The following TMEM171 variants were observed in gnomAD, a reference collection of about 807,000 sequenced individuals.
The protein encoded by TMEM171 is proline-rich protein PRP2.
TMEM171 carries 16 observed loss-of-function variants against 19.1 expected under a neutral mutation model. That is an observed-to-expected ratio of 0.84 (90% CI 0.57 to 1.27). The LOEUF (loss-of-function observed/expected upper bound fraction) is 1.27. Among genes scored for constraint, TMEM171 ranks in the 50% most tolerant of loss-of-function variants. The pLI, the probability that TMEM171 is intolerant of heterozygous loss-of-function variation, is 0.00. For synonymous variants in TMEM171, 153 were observed against 163.4 expected, an observed-to-expected ratio of 0.94 and a Z score of 0.48; for missense variants, 429 against 412.7, an observed-to-expected ratio of 1.04 and a Z score of -0.34.
At chr5:73,131,500 C>T (rs747790999) in intron 3 of TMEM171, 38 bp from the exon 4 acceptor site, 2 of 1,514,704 alleles carry the variant, frequency 1.3e-6, no homozygotes, top group Non-Finnish European at 1.8e-6. Context: ...TCACTGTTTT[C>T]ATCCCCTCCC....
Position 73,123,539 on chromosome 5 carries a change from C to T in TMEM171, c.166C>T (p.Pro56Ser). The T allele has an allele frequency of 6.2e-7, 1 of 1,614,234 alleles. No homozygotes were observed. The highest frequency in any genetic ancestry group is 8.5e-7 in the Non-Finnish European group (1 of 1,180,050). ...ACQYKPLPDC[P>S]MVLKVAGPAC... ...CCAATATAAGCCCCTCCCAGACTGCCCCATGGTGCTCAAGGTGGCGGGGCC... is the reference window on the plus strand; with the variant it reads ...CCAATATAAGCCCCTCCCAGACTGCTCCATGGTGCTCAAGGTGGCGGGGCC... The change falls in exon 2 of 4, where the codon CCC becomes TCC. Residue 56 changes from proline to serine, a missense_variant. Transcript: ENST00000454765.
chr5:73,131,762 T>A lies in TMEM171; in HGVS notation c.*32T>A. 6.7e-7 allele frequency: 1 copy of A among 1,501,004 alleles called. No individual in the cohort carries two copies. The highest frequency in any genetic ancestry group is 1.4e-5 in the South Asian group (1 of 72,644). 93.0% of individuals were successfully genotyped at this position (1,501,004 alleles called of 1,614,324 possible). On this transcript the variant is annotated 3_prime_UTR_variant, in exon 4 of 4. Coordinates refer to ENST00000454765, the MANE Select transcript of TMEM171 (RefSeq NM_173490.8). Reference sequence around the variant, plus strand: ...GACTCTAGTTCAGTTTTATATGCAATGGATCACTATTTTATTTAATTTTTT... The same window carrying A: ...GACTCTAGTTCAGTTTTATATGCAAAGGATCACTATTTTATTTAATTTTTT...
At chr5:73,131,190 G>A (rs1035155043) in intron 3 of TMEM171, among the ~76,000 whole-genome samples, 4 of 151,984 alleles carry the variant, frequency 2.6e-5, no homozygotes, top group Admixed American at 1.3e-4. Flanking sequence ...CCTTATGTTA[G>A]CTGTCCCAGA....
intron 2 of TMEM171, among the ~76,000 whole-genome samples, chr5:73,127,382 A>ATATATATATATATATATATAT (rs879892153): frequency 8.8e-4 from 60 of 68,226 alleles, no homozygotes; most frequent in African/African-American, 4.2e-3. Flanking sequence ...AAAAAAAAAA[A>ATATATATATATATATATATAT]AAATATATAT....
At chr5:73,127,628 A>G (rs562201929) in intron 2 of TMEM171, among the ~76,000 whole-genome samples, 1 of 151,150 alleles carries the variant, frequency 6.6e-6, no homozygotes, top group Non-Finnish European at 1.5e-5. Flanking sequence ...TATTTTTAGT[A>G]GAGACAGGGT....
intron 2 of TMEM171, 124 bp downstream of exon 2, chr5:73,124,137 T>A: frequency 1.2e-6 from 1 of 862,570 alleles, no homozygotes; most frequent in Non-Finnish European, 1.7e-6. Flanking sequence ...CACATGTGTG[T>A]GCACACGCAC....
At chr5:73,131,082 C>G in intron 3 of TMEM171, among the ~76,000 whole-genome samples, 1 of 152,204 alleles carries the variant, frequency 6.6e-6, no homozygotes, top group East Asian at 1.9e-4. Context: ...TGCAGGTTGG[C>G]CTTTGTTAGA....
intron 1 of TMEM171, among the ~76,000 whole-genome samples, chr5:73,122,674 C>T (rs1580232663): frequency 6.6e-6 from 1 of 152,220 alleles, no homozygotes; most frequent in Non-Finnish European, 1.5e-5. Context: ...GCTGGGATTA[C>T]AGGCGCAAGC....
At chr5:73,123,172 A>T in intron 1 of TMEM171, 134 bp from the exon 2 acceptor site, 1 of 648,660 alleles carries the variant, frequency 1.5e-6, no homozygotes, top group Non-Finnish European at 2.5e-6. Context: ...TCATTGTTCT[A>T]CAGCTTATCA....
chr5:73,124,973 G>C (rs746442300), intron 2 of TMEM171, among the ~76,000 whole-genome samples: 1 of 152,200 alleles, frequency 6.6e-6, no homozygotes, highest in African/African-American at 2.4e-5. Flanking sequence ...AGAAACCATG[G>C]AGAGGACAGA....
intron 2 of TMEM171, among the ~76,000 whole-genome samples, chr5:73,126,404 T>C (rs1462884691): frequency 6.6e-6 from 1 of 152,224 alleles, no homozygotes; most frequent in Non-Finnish European, 1.5e-5. Flanking sequence ...ATGGAATTAA[T>C]GCATTTTCTG....
At chr5:73,128,587 T>G (rs1246139758) in intron 3 of TMEM171, 56 bp downstream of exon 3, 2 of 1,584,882 alleles carry the variant, frequency 1.3e-6, no homozygotes, top group Non-Finnish European at 8.6e-7. Flanking sequence ...ACACTAGTAT[T>G]AAGGCTGTGT....
intron 2 of TMEM171, among the ~76,000 whole-genome samples, chr5:73,125,326 A>G (rs1744132031): frequency 6.6e-6 from 1 of 152,170 alleles, no homozygotes; most frequent in Admixed American, 6.5e-5. Flanking sequence ...CCTGTGTGAA[A>G]TTCATTCACA....
intron 3 of TMEM171, among the ~76,000 whole-genome samples, chr5:73,129,765 A>G (rs965053404): frequency 1.3e-5 from 2 of 152,206 alleles, no homozygotes; most frequent in Non-Finnish European, 2.9e-5. Context: ...GGGATCCCCA[A>G]CAGTTACAGA....
intron 3 of TMEM171, among the ~76,000 whole-genome samples, chr5:73,131,224 A>AGAGTGTGT (rs71615705): frequency 8.7e-5 from 13 of 149,958 alleles, no homozygotes; most frequent in African/African-American, 2.9e-4. Flanking sequence ...GAGAACAGTA[A>AGAGTGTGT]GTGTGTGTGT....
intron 1 of TMEM171, among the ~76,000 whole-genome samples, chr5:73,122,605 C>T (rs1270317211): frequency 6.6e-6 from 1 of 152,144 alleles, no homozygotes; most frequent in Non-Finnish European, 1.5e-5. Flanking sequence ...TGCTATGTCA[C>T]CCAGGCTGGT....
At position 73,123,801 on chromosome 5, in the gene TMEM171, A is replaced by G. The variant is rs768497317; in HGVS notation, c.428A>G (p.Glu143Gly). ...VPGCGSNWAQ[E>G]PLNETDTGDS... ...GGATGTGGCTCCAACTGGGCGCAGG[A>G]ACCGCTAAACGAGACAGACACTGGC... is the stretch of plus-strand genomic sequence containing the variant. The change falls in exon 2 of 4, where the codon GAA becomes GGA. Residue 143 changes from glutamate (E) to glycine (G), a missense_variant. By Grantham distance (98) the Glu-to-Gly change is moderately conservative. Coordinates refer to ENST00000454765, the MANE Select transcript of TMEM171 (RefSeq NM_173490.8). The G allele has an allele frequency of 6.2e-7, 1 of 1,612,786 alleles. No individual in the cohort carries two copies. The highest frequency in any genetic ancestry group is 8.5e-7 in the Non-Finnish European group (1 of 1,179,074).
intron 3 of TMEM171, 136 bp downstream of exon 3, chr5:73,128,667 A>G: frequency 8.7e-7 from 1 of 1,143,542 alleles, no homozygotes; most frequent in Non-Finnish European, 1.2e-6. Context: ...GTGTCTTGAT[A>G]TTAACAGTAC....
chr5:73,127,890 A>G (rs562260601), intron 2 of TMEM171, among the ~76,000 whole-genome samples: 1 of 150,096 alleles, frequency 6.7e-6, no homozygotes, highest in African/African-American at 2.5e-5. Flanking sequence ...GCAGGCGTGT[A>G]CTCCCACATC....
Sources: gnomAD v4.1 joint callset for allele counts (sites outside exome capture counted in the v4.1 genomes callset) on GRCh38, gnomAD v4.1.1 for gene constraint, MANE v1.5 for transcripts, NCBI Gene and HGNC (gene_info 2026-07-23, HGNC 2026-07-21) for gene names.